Variants in RARB observed in about 807,000 individuals in gnomAD.
RARB encodes retinoic acid receptor beta.
In RARB, 17 loss-of-function variants were observed where a neutral mutation model predicts 51.9. The observed-to-expected ratio is 0.33, with a 90% CI of 0.22 to 0.49. The LOEUF (loss-of-function observed/expected upper bound fraction) is 0.49, where lower values mean the gene tolerates loss of function less well. RARB is among the 20% of genes least tolerant of loss of function. RARB has a pLI of 0.99. For synonymous variants in RARB, 215 were observed against 195.4 expected (o/e 1.10, Z -0.84); for missense variants, 369 against 550.8 (o/e 0.67, Z 3.30).
At chr3:25,555,315 C>G (rs1302665207) in intron 3 of RARB, among the ~76,000 whole-genome samples, 1 of 152,212 alleles carries the variant, frequency 6.6e-6, no homozygotes, top group Non-Finnish European at 1.5e-5. Flanking sequence ...CCCTGCCACA[C>G]TTCACAGTAC....
At chr3:25,574,740 C>G (rs1700854900) in intron 4 of RARB, among the ~76,000 whole-genome samples, 1 of 152,194 alleles carries the variant, frequency 6.6e-6, no homozygotes, top group Non-Finnish European at 1.5e-5. Flanking sequence ...CCACGAAAGA[C>G]TTTCCAGGAG....
At chr3:25,250,481 C>A (rs150006695) in intron 5 of RARB, among the ~76,000 whole-genome samples, 1 of 152,222 alleles carries the variant, frequency 6.6e-6, no homozygotes, top group African/African-American at 2.4e-5. Context: ...ACACATTGGT[C>A]TCAGTTGGTG....
intron 2 of RARB, among the ~76,000 whole-genome samples, chr3:24,979,378 C>T (rs1696591357): frequency 6.6e-6 from 1 of 152,100 alleles, no homozygotes; most frequent in African/African-American, 2.4e-5. Flanking sequence ...GTCTAAGTCT[C>T]TTTATAGGTC....
intron 3 of RARB, among the ~76,000 whole-genome samples, chr3:25,525,139 C>G (rs1413190470): frequency 1.3e-5 from 2 of 152,162 alleles, no homozygotes; most frequent in Middle Eastern, 3.2e-3. Flanking sequence ...AGTGTTCTGA[C>G]AAAGCTCTTC....
At position 25,333,672 on chromosome 3, in the gene RARB, C is replaced by G. The variant is rs1309073844; in HGVS notation, c.179-127521C>G. 1.5e-4 allele frequency among the ~76,000 whole-genome samples: 23 copies of G among 152,240 alleles called. No individual in the cohort carries two copies. The East Asian group carries it at 4.4e-3, about 29-fold the overall frequency. On this transcript the variant is annotated intron_variant, in intron 5 of 11. Transcript: ENST00000383772. ...CAATGGCAACAAAAGCCAAAATTGACAAATGGGATCTAATTAAACTAAAGA... is the reference window on the plus strand; with the variant it reads ...CAATGGCAACAAAAGCCAAAATTGAGAAATGGGATCTAATTAAACTAAAGA...
At chr3:25,318,049 C>A (rs1704474130) in intron 5 of RARB, among the ~76,000 whole-genome samples, 1 of 152,196 alleles carries the variant, frequency 6.6e-6, no homozygotes, top group Admixed American at 6.5e-5. Flanking sequence ...AAAGTTTCAA[C>A]TGAGCATGAG....
intron 2 of RARB, among the ~76,000 whole-genome samples, chr3:25,010,126 C>A: frequency 7.2e-6 from 1 of 138,272 alleles, no homozygotes; most frequent in Admixed American, 6.9e-5. Flanking sequence ...TGGGTCCCAA[C>A]TTTTTTTTAT....
intron 2 of RARB, among the ~76,000 whole-genome samples, chr3:24,989,964 T>C (rs1696876027): frequency 1.1e-5 from 1 of 92,058 alleles, no homozygotes. Context: ...CGCGCCCGGC[T>C]AATTTTTTGT....
At chr3:25,399,092 T>C (rs1707196274) in intron 5 of RARB, among the ~76,000 whole-genome samples, 1 of 152,142 alleles carries the variant, frequency 6.6e-6, no homozygotes, top group Non-Finnish European at 1.5e-5. Flanking sequence ...CATGAGATTG[T>C]TTACAGATAG....
At chr3:25,288,923 C>G (rs1703718501) in intron 5 of RARB, among the ~76,000 whole-genome samples, 1 of 152,188 alleles carries the variant, frequency 6.6e-6, no homozygotes, top group African/African-American at 2.4e-5. Flanking sequence ...AGGCAGAAGA[C>G]CTCTACTATT....
At chr3:25,545,528 A>G (rs563540893) in intron 3 of RARB, among the ~76,000 whole-genome samples, 9 of 152,114 alleles carry the variant, frequency 5.9e-5, no homozygotes, top group East Asian at 1.9e-4. Context: ...TGGCCATCCA[A>G]CGTTCACCCG....
intron 7 of RARB, among the ~76,000 whole-genome samples, 175 bp downstream of exon 7, chr3:25,594,853 A>AC (rs1559484458): frequency 1.3e-5 from 2 of 151,490 alleles, no homozygotes; most frequent in Non-Finnish European, 2.9e-5. Flanking sequence ...AAAAAAAAAA[A>AC]ACACCTCAAA....
At chr3:25,560,344 T>C (rs1290443) in intron 3 of RARB, among the ~76,000 whole-genome samples, 36,083 of 152,094 alleles carry the variant, frequency 0.24, 4,857 homozygotes, top group African/African-American at 0.36. Flanking sequence ...ATTTCTAAAA[T>C]TGACAACATG....
At chr3:24,940,422 TA>T (rs1434223773) in intron 2 of RARB, among the ~76,000 whole-genome samples, 1 of 145,076 alleles carries the variant, frequency 6.9e-6, no homozygotes, top group African/African-American at 2.6e-5. Context: ...AGATAAAAAT[TA>T]ATTCTATTTC....
chr3:24,926,209 C>T (rs1476612453), intron 2 of RARB, among the ~76,000 whole-genome samples: 1 of 152,072 alleles, frequency 6.6e-6, no homozygotes, highest in African/African-American at 2.4e-5. Context: ...AGCAGTAAGA[C>T]ACTTAATTTA....
intron 5 of RARB, among the ~76,000 whole-genome samples, chr3:25,257,505 A>G (rs1396990442): frequency 1.3e-5 from 2 of 152,078 alleles, no homozygotes; most frequent in Non-Finnish European, 2.9e-5. Context: ...ACCAGGACAG[A>G]AGAGTTGGAA....
intron 1 of RARB, among the ~76,000 whole-genome samples, chr3:25,456,682 T>TATAGAGAGAG (rs1491372969): frequency 2.2e-4 from 19 of 88,360 alleles, no homozygotes; most frequent in Non-Finnish European, 3.0e-4. Flanking sequence ...TATATATATA[T>TATAGAGAGAG]AGAGAGAGAG....
At chr3:25,556,470 A>G (rs931608166) in intron 3 of RARB, among the ~76,000 whole-genome samples, 4 of 152,234 alleles carry the variant, frequency 2.6e-5, no homozygotes, top group Non-Finnish European at 5.9e-5. Context: ...TTTTCTAGTT[A>G]TAGTCCTCAT....
chr3:25,315,041 C>A (rs1704387460), intron 5 of RARB, among the ~76,000 whole-genome samples: 1 of 152,206 alleles, frequency 6.6e-6, no homozygotes, highest in Non-Finnish European at 1.5e-5. Context: ...TTATTTTATT[C>A]TTTTTAATGT....
Sources: allele counts gnomAD v4.1 joint callset (sites outside exome capture counted in the v4.1 genomes callset), GRCh38; gene constraint gnomAD v4.1.1; transcripts MANE v1.5; gene names NCBI Gene and HGNC (gene_info 2026-07-23, HGNC 2026-07-21).